CEP128: variants seen among roughly 807,000 people sequenced by gnomAD.
The protein encoded by CEP128 is centrosomal protein 128.
Under a neutral mutation model 156.7 loss-of-function variants are expected in CEP128, and 132 were observed. The ratio of observed to expected loss-of-function variants is 0.84; its 90% confidence interval spans 0.73 to 0.97. The LOEUF (loss-of-function observed/expected upper bound fraction) is 0.97, where lower values mean the gene tolerates loss of function less well. CEP128 is among the 50% of genes least tolerant of loss of function. The pLI is 0.00. For missense variants in CEP128, 1,252 were observed against 1,281.9 expected, an observed-to-expected ratio of 0.98 and a Z score of 0.36; for synonymous variants, 469 against 448.9, an observed-to-expected ratio of 1.04 and a Z score of -0.57.
At chr14:80,814,558 AC>A (rs1312044269) in intron 13 of CEP128, among the ~76,000 whole-genome samples, 1 of 152,200 alleles carries the variant, frequency 6.6e-6, no homozygotes, top group Non-Finnish European at 1.5e-5. Context: ...GCCAGGGCAA[AC>A]AAAAATGTAT....
At chr14:80,544,019 C>T (rs2140318350) in intron 21 of CEP128, among the ~76,000 whole-genome samples, 1 of 152,272 alleles carries the variant, frequency 6.6e-6, no homozygotes, top group Non-Finnish European at 1.5e-5. Context: ...ATTAATAGAA[C>T]TGGATACAGC....
chr14:80,921,268 T>A (rs1428462006), intron 2 of CEP128, among the ~76,000 whole-genome samples: 1 of 152,150 alleles, frequency 6.6e-6, no homozygotes, highest in African/African-American at 2.4e-5. Context: ...GGTGATTGGG[T>A]CATGAAGGCT....
chr14:80,478,611 T>C (rs567393782), intron 14 of CEP128, among the ~76,000 whole-genome samples: 1 of 152,312 alleles, frequency 6.6e-6, no homozygotes, highest in African/African-American at 2.4e-5. Flanking sequence ...TTTCCTCATA[T>C]AAGATACATT....
At chr14:80,765,204 G>C (rs1479228085) in intron 16 of CEP128, among the ~76,000 whole-genome samples, 4 of 152,120 alleles carry the variant, frequency 2.6e-5, no homozygotes, top group Non-Finnish European at 4.4e-5. Context: ...CATTACTTTT[G>C]TCCCATTCAT....
intron 2 of CEP128, among the ~76,000 whole-genome samples, chr14:80,947,619 G>C (rs920976009): frequency 2.0e-5 from 3 of 152,166 alleles, no homozygotes; most frequent in Non-Finnish European, 4.4e-5. Flanking sequence ...CAACCCTGCT[G>C]TCACAGAGGA....
chr14:80,775,464 A>G (rs1900738455), intron 16 of CEP128, among the ~76,000 whole-genome samples: 1 of 152,240 alleles, frequency 6.6e-6, no homozygotes, highest in Admixed American at 6.5e-5. Context: ...AACTACATAT[A>G]ATATAAGCAT....
At chr14:80,905,467 A>G (rs1883834257) in intron 5 of CEP128, 1 of 154,942 alleles carries the variant, frequency 6.5e-6, no homozygotes, top group Non-Finnish European at 1.4e-5. Context: ...TCAAACATGA[A>G]TCTCAGTGCT....
intron 2 of CEP128, among the ~76,000 whole-genome samples, chr14:80,947,197 T>A (rs535480617): frequency 6.6e-6 from 1 of 152,324 alleles, no homozygotes; most frequent in East Asian, 1.9e-4. Context: ...GCACACTAAC[T>A]ATGTCCATGT....
chr14:80,617,812 A>C (rs931657346), intron 19 of CEP128, among the ~76,000 whole-genome samples: 5 of 152,220 alleles, frequency 3.3e-5, no homozygotes, highest in Middle Eastern at 3.2e-3. Flanking sequence ...AAAAATAAAA[A>C]ATAAACAAAC....
chr14:80,699,534 T>C (rs539345924), intron 19 of CEP128, among the ~76,000 whole-genome samples: 2 of 152,230 alleles, frequency 1.3e-5, no homozygotes, highest in African/African-American at 4.8e-5. Context: ...AACAAAATTA[T>C]TGACATTGTA....
At chr14:80,787,212 C>T (rs1269202002) in intron 14 of CEP128, among the ~76,000 whole-genome samples, 1 of 152,166 alleles carries the variant, frequency 6.6e-6, no homozygotes, top group Non-Finnish European at 1.5e-5. Context: ...GGCCAGGGCG[C>T]TTGTCTGGAG....
At chr14:80,866,093 C>T (rs539003889) in intron 8 of CEP128, among the ~76,000 whole-genome samples, 97 of 152,256 alleles carry the variant, frequency 6.4e-4, no homozygotes, top group African/African-American at 2.1e-3. Context: ...TCAGCCCCCA[C>T]AGATGCAGGC....
chr14:80,830,210 G>C (rs878935678), intron 13 of CEP128: 10 of 644,058 alleles, frequency 1.6e-5, no homozygotes, highest in African/African-American at 9.1e-5. Flanking sequence ...GCTTTGTAAA[G>C]AGTATGTCAA....
intron 23 of CEP128, among the ~76,000 whole-genome samples, chr14:80,511,414 C>T (rs556005746): frequency 2.0e-5 from 3 of 151,956 alleles, no homozygotes; most frequent in Non-Finnish European, 4.4e-5. Flanking sequence ...ATTGAAGTCT[C>T]TGATGATCCT....
intron 20 of CEP128, among the ~76,000 whole-genome samples, chr14:80,568,725 T>C (rs1197208369): frequency 6.6e-6 from 1 of 152,142 alleles, no homozygotes; most frequent in Non-Finnish European, 1.5e-5. Context: ...AAGGGAAATG[T>C]AGCTAAACAA....
chr14:80,687,282 T>C (rs1328882925), intron 19 of CEP128, among the ~76,000 whole-genome samples: 12 of 152,122 alleles, frequency 7.9e-5, no homozygotes, highest in Non-Finnish European at 1.5e-4. Context: ...TATGCTCATA[T>C]GTTCATCACA....
At chr14:80,916,768 A>G (rs1295320295) in intron 2 of CEP128, among the ~76,000 whole-genome samples, 2 of 152,154 alleles carry the variant, frequency 1.3e-5, no homozygotes, top group Non-Finnish European at 1.5e-5. Flanking sequence ...GCTTTAAGGG[A>G]GCGATTCCTC....
chr14:80,680,926 C>G (rs922115785), intron 19 of CEP128, among the ~76,000 whole-genome samples: 9 of 152,178 alleles, frequency 5.9e-5, no homozygotes, highest in Admixed American at 2.0e-4. Flanking sequence ...GCTCAGACCA[C>G]TGTGCACCCC....
chr14:80,734,290 C>A (rs1379651772), intron 19 of CEP128, among the ~76,000 whole-genome samples: 1 of 152,010 alleles, frequency 6.6e-6, no homozygotes, highest in East Asian at 1.9e-4. Context: ...ATAAAACTAG[C>A]CTGCATTGTG....
Sources: gnomAD v4.1 joint callset for allele counts (sites outside exome capture counted in the v4.1 genomes callset) on GRCh38, gnomAD v4.1.1 for gene constraint, MANE v1.5 for transcripts, NCBI Gene and HGNC (gene_info 2026-07-23, HGNC 2026-07-21) for gene names.